Variants in DNAJC10 observed in about 807,000 individuals in gnomAD.
DNAJC10 encodes DnaJ heat shock protein family (Hsp40) member C10.
A neutral mutation model predicts 115.0 loss-of-function variants in DNAJC10; 101 were observed. That is an observed-to-expected ratio of 0.88 (90% CI 0.75 to 1.04). The LOEUF (loss-of-function observed/expected upper bound fraction) is 1.04, where lower values mean the gene tolerates loss of function less well. Ranked by LOEUF, DNAJC10 falls within the 50% of genes least tolerant of loss-of-function variation. The pLI, the probability that DNAJC10 is intolerant of heterozygous loss-of-function variation, is 0.00. For synonymous variants in DNAJC10, 307 were observed against 301.5 expected, an observed-to-expected ratio of 1.02 and a Z score of -0.19; for missense variants, 981 against 928.8, an observed-to-expected ratio of 1.06 and a Z score of -0.73.
chr2:182,752,229 A>C (rs767326798), intron 16 of DNAJC10, 41 bp downstream of exon 16: 2 of 1,101,718 alleles, frequency 1.8e-6, no homozygotes, highest in Non-Finnish European at 2.6e-6. Context: ...TAATTTTATA[A>C]AATGAAGACC....
At position 182,791,212 on chromosome 2, in the gene DNAJC10, T is replaced by C. The variant is rs1052034787; in HGVS notation, c.*14080T>C. ...AGTAATTCTCCAATTAAAGTAACTC[T>C]AGAGCTTAGTTTTCAGTCCTCCTGA... On this transcript the variant is annotated 3_prime_UTR_variant, in exon 24 of 24. Coordinates refer to ENST00000264065, the MANE Select transcript of DNAJC10 (RefSeq NM_018981.4). The C allele has an allele frequency of 2.6e-5, 4 of 152,170 alleles. No individual in the cohort carries two copies. Among genetic ancestry groups the C allele is most frequent in the Non-Finnish European group, 4.4e-5 (3 of 68,032 alleles). 9.4% of individuals were successfully genotyped at this position (152,170 alleles called of 1,614,324 possible). A position where few individuals can be genotyped will look rare whatever the true frequency, so the allele number is the denominator to read the frequency against.
rs1409766134 is a variant in DNAJC10, at chr2:182,718,216, A to C, written c.130A>C (p.Lys44Gln). ...QDFYSLLGVSKTASSREIRQA... is the reference protein window; with the variant it reads ...QDFYSLLGVSQTASSREIRQA... ...TTTTTACAGTTTACTTGGAGTGTCCAAAACTGCAAGCAGTAGAGAAATAAG... is the reference window on the plus strand; with the variant it reads ...TTTTTACAGTTTACTTGGAGTGTCCCAAACTGCAAGCAGTAGAGAAATAAG... The change falls in exon 3 of 24, where the codon AAA becomes CAA. Residue 44 changes from lysine (K) to glutamine (Q), a missense_variant. Physicochemically the swap from Lys to Gln is moderately conservative, Grantham distance 53. Coordinates refer to ENST00000264065, the MANE Select transcript of DNAJC10 (RefSeq NM_018981.4). 1.4e-5 allele frequency: 22 copies of C among 1,613,380 alleles called. No individual in the cohort carries two copies. Among genetic ancestry groups the C allele is most frequent in the Non-Finnish European group, 1.8e-5 (21 of 1,179,794 alleles).
rs1694900153 is a variant in DNAJC10 at position 182,783,908 on chromosome 2, T to G, written c.*6776T>G. ...AGGCCTATAATCTCAATCTTCATGT[T>G]AAGACTTTGGAAAGTTAATTTGTAT... On this transcript the variant is annotated 3_prime_UTR_variant, in exon 24 of 24. Transcript: ENST00000264065. The G allele has an allele frequency of 2.0e-5, 3 of 152,204 alleles. No individual in the cohort carries two copies. In the South Asian group the frequency reaches 6.2e-4, roughly 32 times the overall value. The allele number at this position is 152,204 out of a possible 1,614,324, so 9.4% of individuals were successfully genotyped here.
intron 3 of DNAJC10, among the ~76,000 whole-genome samples, chr2:182,719,160 A>G (rs1693077487): frequency 6.6e-6 from 1 of 151,222 alleles, no homozygotes; most frequent in South Asian, 2.1e-4. Context: ...CCATCCGAGT[A>G]TTATTTAAAT....
At chr2:182,721,844 C>G (rs1450444889) in intron 4 of DNAJC10, among the ~76,000 whole-genome samples, 181 bp from the exon 5 acceptor site, 2 of 151,980 alleles carry the variant, frequency 1.3e-5, no homozygotes, top group African/African-American at 2.4e-5. Flanking sequence ...TTTAGATCAC[C>G]CTAAATGTAC....
At chr2:182,733,153 A>G (rs1185332646) in intron 10 of DNAJC10, among the ~76,000 whole-genome samples, 1 of 152,032 alleles carries the variant, frequency 6.6e-6, no homozygotes, top group East Asian at 1.9e-4. Context: ...TAAAATCTCT[A>G]CCATCCATCA....
chr2:182,724,030 A>G (rs1217715097), intron 5 of DNAJC10, among the ~76,000 whole-genome samples: 1 of 152,210 alleles, frequency 6.6e-6, no homozygotes, highest in East Asian at 1.9e-4. Context: ...AAAGTCAACA[A>G]GCAAATGCCT....
intron 10 of DNAJC10, among the ~76,000 whole-genome samples, chr2:182,733,840 C>T (rs1205716092): frequency 6.9e-6 from 1 of 145,206 alleles, no homozygotes; most frequent in African/African-American, 2.5e-5. Flanking sequence ...TTTTCTACTT[C>T]CTCTATTTGG....
chr2:182,767,974 C>G (rs1694458489), intron 22 of DNAJC10, among the ~76,000 whole-genome samples: 1 of 152,068 alleles, frequency 6.6e-6, no homozygotes, highest in South Asian at 2.1e-4. Flanking sequence ...CCTCAAATGC[C>G]ATGTACATAC....
At chr2:182,734,487 A>G (rs960257745) in intron 10 of DNAJC10, among the ~76,000 whole-genome samples, 1 of 151,718 alleles carries the variant, frequency 6.6e-6, no homozygotes, top group Non-Finnish European at 1.5e-5. Flanking sequence ...TTCATGGCCC[A>G]ACATATGGTA....
At chr2:182,742,821 T>C (rs1693769959) in intron 13 of DNAJC10, among the ~76,000 whole-genome samples, 1 of 152,082 alleles carries the variant, frequency 6.6e-6, no homozygotes, top group African/African-American at 2.4e-5. Flanking sequence ...TCTGATGGGA[T>C]GTTTGTCCAG....
At chr2:182,728,739 A>C in intron 6 of DNAJC10, 81 bp downstream of exon 6, 2 of 1,488,498 alleles carry the variant, frequency 1.3e-6, no homozygotes, top group South Asian at 2.4e-5. Flanking sequence ...TTTTTCTATG[A>C]ATAGTAATCA....
rs201955943 is a variant in DNAJC10 at position 182,720,127 on chromosome 2, G to C, written c.325G>C (p.Gly109Arg). 4 of 1,611,484 alleles carry C rather than the reference G, an allele frequency of 2.5e-6. No individual in the cohort carries two copies. Among genetic ancestry groups the C allele is most frequent in the Non-Finnish European group, 3.4e-6 (4 of 1,178,968 alleles). Reference protein sequence around the residue: ...YGEKGLEDNQGGQYESWNYYR... With the variant: ...YGEKGLEDNQRGQYESWNYYR... ...AGAAAAGGGACTTGAGGATAATCAA[G>C]GTGGCCAGTATGAAAGCTGGAACTA... The change falls in exon 4 of 24, where the codon GGT becomes CGT. Residue 109 changes from glycine to arginine, a missense_variant. By Grantham distance (125) the Gly-to-Arg change is moderately radical. Transcript: ENST00000264065.
At chr2:182,722,203 G>GT in intron 5 of DNAJC10, 128 bp downstream of exon 5, 1 of 607,178 alleles carries the variant, frequency 1.6e-6, no homozygotes, top group African/African-American at 2.0e-5. Flanking sequence ...GTAATATACT[G>GT]TATCTTAAAT....
At chr2:182,768,206 G>C (rs1694466728) in intron 22 of DNAJC10, among the ~76,000 whole-genome samples, 2 of 152,094 alleles carry the variant, frequency 1.3e-5, no homozygotes, top group Admixed American at 1.3e-4. Context: ...AGCAGAACTT[G>C]ATGGAGGTGA....
chr2:182,738,374 A>G (rs1388246158), intron 11 of DNAJC10, among the ~76,000 whole-genome samples: 1 of 152,182 alleles, frequency 6.6e-6, no homozygotes, highest in Non-Finnish European at 1.5e-5. Flanking sequence ...CCTGTCCAAC[A>G]ATAGAGCCTC....
chr2:182,751,602 T>C, intron 14 of DNAJC10, 56 bp from the exon 15 acceptor site: 1 of 1,573,020 alleles, frequency 6.4e-7, no homozygotes, highest in Non-Finnish European at 8.7e-7. Flanking sequence ...TTGAAATGTC[T>C]CTGTGCATAC....
At chr2:182,750,107 TC>T (rs1387174470) in intron 14 of DNAJC10, among the ~76,000 whole-genome samples, 1 of 152,114 alleles carries the variant, frequency 6.6e-6, no homozygotes, top group African/African-American at 2.4e-5. Context: ...GAATGCAAAG[TC>T]AGTATTACTT....
chr2:182,772,785 CTT>C (rs1400948915), intron 22 of DNAJC10, among the ~76,000 whole-genome samples: 1 of 152,128 alleles, frequency 6.6e-6, no homozygotes, highest in African/African-American at 2.4e-5. Context: ...GGTCTTGACT[CTT>C]TATCAAATTT....
Sources: gnomAD v4.1 joint callset for allele counts (sites outside exome capture counted in the v4.1 genomes callset) on GRCh38, gnomAD v4.1.1 for gene constraint, MANE v1.5 for transcripts, NCBI Gene and HGNC (gene_info 2026-07-23, HGNC 2026-07-21) for gene names.